TRAPPC12: variants seen among roughly 807,000 people sequenced by gnomAD.
The protein encoded by TRAPPC12 is trafficking protein particle complex subunit 12.
Under a neutral mutation model 69.2 loss-of-function variants are expected in TRAPPC12, and 61 were observed. The ratio of observed to expected loss-of-function variants is 0.88; its 90% CI spans 0.72 to 1.09. The LOEUF (loss-of-function observed/expected upper bound fraction) is 1.09, where lower values mean the gene tolerates loss of function less well. Ranked by LOEUF, TRAPPC12 falls within the 50% of genes least tolerant of loss-of-function variation. The pLI is 0.00. For missense variants in TRAPPC12, 1,101 were observed against 1,016.4 expected, an observed-to-expected ratio of 1.08 and a Z score of -1.13; for synonymous variants, 469 against 438.9, an observed-to-expected ratio of 1.07 and a Z score of -0.86.
At chr2:3,457,716 A>T in intron 7 of TRAPPC12, 23 bp downstream of exon 7, 1 of 1,607,310 alleles carries the variant, frequency 6.2e-7, no homozygotes. Context: ...GACTTTGCTG[A>T]CTAGATGCTT....
intron 9 of TRAPPC12, among the ~76,000 whole-genome samples, chr2:3,475,496 A>ATTTTTTTTTTTTTTTTTTTTTTT (rs781017213): frequency 7.6e-6 from 1 of 132,434 alleles, no homozygotes; most frequent in Non-Finnish European, 1.7e-5. Flanking sequence ...TTTATGTTTA[A>ATTTTTTTTTTTTTTTTTTTTTTT]TTTTTTCAGT....
At chr2:3,385,139 CAT>C (rs890787116) in intron 1 of TRAPPC12, among the ~76,000 whole-genome samples, 5 of 152,086 alleles carry the variant, frequency 3.3e-5, no homozygotes, top group Admixed American at 1.3e-4. Context: ...TTCATAAAAG[CAT>C]CATCTAAATC....
chr2:3,473,732 A>G (rs1038965250), intron 9 of TRAPPC12, among the ~76,000 whole-genome samples: 17 of 152,178 alleles, frequency 1.1e-4, no homozygotes, highest in African/African-American at 3.9e-4. Flanking sequence ...CTGCCTCCCA[A>G]AGTGCTGGGA....
intron 3 of TRAPPC12, among the ~76,000 whole-genome samples, chr2:3,402,113 G>T (rs1187659685): frequency 3.3e-5 from 5 of 152,194 alleles, no homozygotes; most frequent in African/African-American, 1.2e-4. Flanking sequence ...TATTGGAAAT[G>T]ATCAAATTAC....
At chr2:3,388,772 T>TC in intron 2 of TRAPPC12, 102 bp downstream of exon 2, 1 of 1,191,026 alleles carries the variant, frequency 8.4e-7, no homozygotes, top group South Asian at 1.7e-5. Context: ...GGCCTTGTTT[T>TC]CAGTAATTCC....
In TRAPPC12 at chr2:3,445,627, C is replaced by T. The variant is rs533791587; in HGVS notation, c.1530+1736C>T. 2.6e-5 allele frequency among the ~76,000 whole-genome samples: 4 copies of T among 152,348 alleles called. 1 individual carries two copies. Among genetic ancestry groups the T allele is most frequent in the Admixed American group, 2.6e-4 (4 of 15,304 alleles). ...AACCCTATGAAGGAGATGTTATTAT[C>T]CCAATTTACAGATGGGGAAACTGAG... On this transcript the variant is annotated intron_variant, in intron 6 of 11. Transcript: ENST00000324266.
chr2:3,404,726 C>A (rs911823438), intron 3 of TRAPPC12, among the ~76,000 whole-genome samples: 5 of 152,096 alleles, frequency 3.3e-5, no homozygotes, highest in African/African-American at 1.2e-4. Flanking sequence ...AGAATGGGTA[C>A]ACGGCGTCTT....
At chr2:3,383,518 C>A (rs570911433) in intron 1 of TRAPPC12, among the ~76,000 whole-genome samples, 2 of 151,140 alleles carry the variant, frequency 1.3e-5, no homozygotes, top group African/African-American at 4.9e-5. Flanking sequence ...CCTGCCTCAG[C>A]CTCCCGAGTA....
chr2:3,418,286 A>G (rs1028503279), intron 3 of TRAPPC12, among the ~76,000 whole-genome samples: 2 of 152,138 alleles, frequency 1.3e-5, no homozygotes, highest in Non-Finnish European at 2.9e-5. Context: ...AAAATGGAAA[A>G]CATGCCAAAT....
intron 9 of TRAPPC12, among the ~76,000 whole-genome samples, chr2:3,470,796 A>G (rs1354414235): frequency 2.0e-5 from 3 of 152,286 alleles, no homozygotes; most frequent in South Asian, 2.1e-4. Flanking sequence ...AAAGAGTGGA[A>G]ATAGAAAAAA....
chr2:3,443,820 C>A lies in TRAPPC12; in HGVS notation c.1459C>A (p.Leu487Ile). The change falls in exon 6 of 12, where the codon CTT becomes ATT. Residue 487 changes from leucine to isoleucine, a missense_variant. Transcript: ENST00000324266. ...PFSMRILHAE[L>I]QQYLGNPQES... ...CTCGATGCGCATCTTGCACGCGGAGCTTCAGCAGTACCTGGGGAACCCACA... is the reference window on the plus strand; with the variant it reads ...CTCGATGCGCATCTTGCACGCGGAGATTCAGCAGTACCTGGGGAACCCACA... The A allele has an allele frequency of 6.2e-7, 1 of 1,614,152 alleles. No homozygotes were observed. The highest frequency in any genetic ancestry group is 8.5e-7 in the Non-Finnish European group (1 of 1,180,044).
chr2:3,464,768 A>C (rs778022574), intron 8 of TRAPPC12, among the ~76,000 whole-genome samples: 1 of 152,228 alleles, frequency 6.6e-6, no homozygotes, highest in African/African-American at 2.4e-5. Context: ...CGCGTTGCTC[A>C]CACCTGGAAA....
intron 5 of TRAPPC12, among the ~76,000 whole-genome samples, chr2:3,433,920 G>A (rs1663608482): frequency 6.6e-6 from 1 of 152,016 alleles, no homozygotes; most frequent in Non-Finnish European, 1.5e-5. Flanking sequence ...TCTCCCTGCA[G>A]GAGAGAGACG....
intron 7 of TRAPPC12, among the ~76,000 whole-genome samples, chr2:3,459,063 C>T (rs564881652): frequency 7.9e-5 from 12 of 152,324 alleles, no homozygotes; most frequent in East Asian, 3.9e-4. Flanking sequence ...TGAAGCACAC[C>T]GTAAATGCAC....
rs779320275 is a variant in TRAPPC12, at chr2:3,479,324, G to A, written c.2071G>A (p.Glu691Lys). ...VQQDPRHYLH[E>K]SVLFNLTTMY... ...GCAGGACCCCAGGCACTACCTGCAC[G>A]AGAGCGTGCTCTTCAACCTGACCAC... The change falls in exon 12 of 12, where the codon GAG becomes AAG. Residue 691 changes from glutamate to lysine, a missense_variant. Physicochemically the swap from Glu to Lys is moderately conservative, Grantham distance 56 (BLOSUM62 1). Coordinates refer to ENST00000324266, the MANE Select transcript of TRAPPC12 (RefSeq NM_016030.6). 31 of 1,614,104 alleles carry A rather than the reference G, an allele frequency of 1.9e-5. No individual in the cohort carries two copies. Among genetic ancestry groups the A allele is most frequent in the Admixed American group, 5.0e-5 (3 of 60,014 alleles).
intron 1 of TRAPPC12, among the ~76,000 whole-genome samples, chr2:3,385,187 G>C (rs1238935125): frequency 6.6e-6 from 1 of 151,928 alleles, no homozygotes; most frequent in Non-Finnish European, 1.5e-5. Context: ...CATTCCTCTT[G>C]ATTTTCTAGA....
chr2:3,400,571 G>C (rs190393709), intron 2 of TRAPPC12, among the ~76,000 whole-genome samples: 1 of 152,146 alleles, frequency 6.6e-6, no homozygotes, highest in South Asian at 2.1e-4. Context: ...GATGGTCCAG[G>C]GCTGTGTCCT....
At chr2:3,441,685 T>C (rs141548943) in intron 5 of TRAPPC12, among the ~76,000 whole-genome samples, 4,756 of 149,224 alleles carry the variant, frequency 0.032, 242 homozygotes, top group African/African-American at 0.11. Context: ...ATAAAATATT[T>C]TATTTTCTTA....
At chr2:3,408,268 G>A (rs767034465) in intron 3 of TRAPPC12, among the ~76,000 whole-genome samples, 2 of 152,240 alleles carry the variant, frequency 1.3e-5, no homozygotes, top group Non-Finnish European at 2.9e-5. Context: ...GGCAGCACCA[G>A]TTAGTAAGGG....
Sources: gnomAD v4.1 joint callset for allele counts (sites outside exome capture counted in the v4.1 genomes callset) on GRCh38, gnomAD v4.1.1 for gene constraint, MANE v1.5 for transcripts, NCBI Gene and HGNC (gene_info 2026-07-23, HGNC 2026-07-21) for gene names.